SLC24A4: variants seen among roughly 807,000 people sequenced by gnomAD.
SLC24A4 encodes the protein solute carrier family 24 member 4.
A neutral mutation model predicts 79.0 loss-of-function variants in SLC24A4; 53 were observed. The ratio of observed to expected loss-of-function variants is 0.67; its 90% confidence interval spans 0.54 to 0.84. The LOEUF (loss-of-function observed/expected upper bound fraction) is 0.84, where lower values mean the gene tolerates loss of function less well. Among genes scored for constraint, SLC24A4 ranks in the 40% least tolerant of loss-of-function variants. The pLI, the probability that SLC24A4 is intolerant of heterozygous loss-of-function variation, is 0.00. For missense variants in SLC24A4, 731 were observed against 822.0 expected (o/e 0.89, Z 1.35); for synonymous variants, 323 against 323.8 (o/e 1.00, Z 0.03).
At chr14:92,420,477 C>CA (rs778526307) in intron 2 of SLC24A4, among the ~76,000 whole-genome samples, 1,422 of 136,016 alleles carry the variant, frequency 0.01, 14 homozygotes, top group Admixed American at 0.023. Flanking sequence ...GACTCTGTCT[C>CA]AAAAAAAAAA....
At chr14:92,359,982 G>T (rs1010089976) in intron 2 of SLC24A4, among the ~76,000 whole-genome samples, 1 of 152,164 alleles carries the variant, frequency 6.6e-6, no homozygotes. Flanking sequence ...GCAGTGGTGC[G>T]ATCTTGGCTC....
Position 92,323,828 on chromosome 14 carries a change from G to C in SLC24A4, c.-3G>C. 6.4e-7 allele frequency: 1 copy of C among 1,569,784 alleles called. No homozygotes were observed. Among genetic ancestry groups the C allele is most frequent in the Non-Finnish European group, 8.6e-7 (1 of 1,165,366 alleles). ...CCCAGAGACGGCACCCAGGCGCTCC[G>C]GGATGGCGCTCCGCGGGACCCTCCG... is the stretch of plus-strand genomic sequence containing the variant. On this transcript the variant is annotated 5_prime_UTR_variant, in exon 1 of 17. Coordinates refer to ENST00000532405, the MANE Select transcript of SLC24A4 (RefSeq NM_153646.4). The surrounding 1 kb of genome is among the most constrained non-coding windows in gnomAD (Gnocchi z 4.9).
chr14:92,470,979 C>T (rs1444919159), intron 12 of SLC24A4, among the ~76,000 whole-genome samples: 5 of 152,232 alleles, frequency 3.3e-5, no homozygotes, highest in Admixed American at 1.3e-4. Flanking sequence ...TTGGTTTTAT[C>T]CCTGTGTTGG....
At position 92,493,753 on chromosome 14, in the gene SLC24A4, G is replaced by A; in HGVS notation, c.*125G>A. 8.8e-7 allele frequency: 1 copy of A among 1,130,498 alleles called. No homozygotes were observed. Among genetic ancestry groups the A allele is most frequent in the Non-Finnish European group, 1.2e-6 (1 of 808,006 alleles). 70.0% of individuals were successfully genotyped at this position (1,130,498 alleles called of 1,614,324 possible). A position where few individuals can be genotyped will look rare whatever the true frequency, so the allele number is the denominator to read the frequency against. ...GCCACTGTCCGTTCTTTCACACACTGGAAGGAAGAGCCATCGTGGTCTTTG... is the reference window on the plus strand; with the variant it reads ...GCCACTGTCCGTTCTTTCACACACTAGAAGGAAGAGCCATCGTGGTCTTTG... On this transcript the variant is annotated 3_prime_UTR_variant, in exon 17 of 17. Coordinates refer to ENST00000532405, the MANE Select transcript of SLC24A4 (RefSeq NM_153646.4).
chr14:92,368,699 C>CA (rs1887989582), intron 2 of SLC24A4, among the ~76,000 whole-genome samples: 1 of 152,110 alleles, frequency 6.6e-6, no homozygotes, highest in Admixed American at 6.5e-5. Context: ...ACAGCTGCTG[C>CA]AGGGGCTCTG....
At chr14:92,492,832 C>T (rs1230462787) in intron 16 of SLC24A4, 10 of 455,352 alleles carry the variant, frequency 2.2e-5, no homozygotes, top group Non-Finnish European at 4.4e-5. Flanking sequence ...CGCAGTGCTC[C>T]AGTGAGGTTC....
chr14:92,343,779 T>C (rs893778023), intron 2 of SLC24A4, among the ~76,000 whole-genome samples: 1 of 151,498 alleles, frequency 6.6e-6, no homozygotes, highest in Non-Finnish European at 1.5e-5. Context: ...CTTGGCTCAC[T>C]GCATCCTCCG....
chr14:92,368,830 A>G (rs566549934), intron 2 of SLC24A4, among the ~76,000 whole-genome samples: 285 of 152,234 alleles, frequency 1.9e-3, no homozygotes, highest in Non-Finnish European at 3.0e-3. Context: ...TGGCAGAAAA[A>G]GAGGGTTTAC....
At chr14:92,413,994 A>C (rs1462947921) in intron 2 of SLC24A4, among the ~76,000 whole-genome samples, 2 of 152,108 alleles carry the variant, frequency 1.3e-5, no homozygotes, top group Admixed American at 6.5e-5. Flanking sequence ...GAGTTCTTTG[A>C]GAGAGGAGAA....
At chr14:92,364,793 A>G (rs1196799781) in intron 2 of SLC24A4, among the ~76,000 whole-genome samples, 1 of 152,216 alleles carries the variant, frequency 6.6e-6, no homozygotes, top group Non-Finnish European at 1.5e-5. Flanking sequence ...TGGGTGACCA[A>G]GGCAGGTGGC....
chr14:92,323,803 C>A lies in SLC24A4; in HGVS notation c.-28C>A. 1 of 1,544,830 alleles carries A rather than the reference C, an allele frequency of 6.5e-7. No homozygotes were observed. Among genetic ancestry groups the A allele is most frequent in the South Asian group, 1.2e-5 (1 of 84,698 alleles). On this transcript the variant is annotated 5_prime_UTR_variant, in exon 1 of 17. Coordinates refer to ENST00000532405, the MANE Select transcript of SLC24A4 (RefSeq NM_153646.4). The surrounding 1 kb of genome is among the most constrained non-coding windows in gnomAD (Gnocchi z 4.9). Reference sequence around the variant, plus strand: ...TGGCCGCTGAAGCTCCCCATCCTCTCCCAGAGACGGCACCCAGGCGCTCCG... The same window carrying A: ...TGGCCGCTGAAGCTCCCCATCCTCTACCAGAGACGGCACCCAGGCGCTCCG...
chr14:92,445,220 G>GGACCCATAACACA, intron 7 of SLC24A4, 97 bp from the exon 8 acceptor site: 1 of 1,314,900 alleles, frequency 7.6e-7, no homozygotes, highest in South Asian at 1.2e-5. Context: ...AACAAGGCCA[G>GGACCCATAACACA]TATAAATTGG....
At chr14:92,442,232 G>A in intron 5 of SLC24A4, 59 bp downstream of exon 5, 1 of 1,366,346 alleles carries the variant, frequency 7.3e-7, no homozygotes, top group Non-Finnish European at 1.0e-6. Flanking sequence ...GGTGCCCAGA[G>A]CAGTGGGGGC....
At chr14:92,488,197 G>A (rs1014947912) in intron 14 of SLC24A4, among the ~76,000 whole-genome samples, 13 of 151,048 alleles carry the variant, frequency 8.6e-5, no homozygotes, top group Middle Eastern at 3.4e-3. Context: ...TCACCCTTCC[G>A]AGTAGCCAGG....
chr14:92,479,542 C>T (rs367717818), intron 12 of SLC24A4, among the ~76,000 whole-genome samples: 6 of 152,176 alleles, frequency 3.9e-5, no homozygotes, highest in African/African-American at 1.4e-4. Flanking sequence ...AGCTTTCATT[C>T]CTGGGATAAA....
chr14:92,455,715 G>A (rs1173396129), intron 11 of SLC24A4, among the ~76,000 whole-genome samples: 1 of 145,510 alleles, frequency 6.9e-6, no homozygotes, highest in Non-Finnish European at 1.5e-5. Context: ...CTTAGTGTAA[G>A]TGTACTTTTT....
At chr14:92,464,021 T>A (rs146113570) in intron 12 of SLC24A4, among the ~76,000 whole-genome samples, 2 of 152,380 alleles carry the variant, frequency 1.3e-5, no homozygotes, top group Admixed American at 1.3e-4. Flanking sequence ...GGATGGATCA[T>A]GAATGCCACA....
chr14:92,371,190 C>G (rs1166236184), intron 2 of SLC24A4, among the ~76,000 whole-genome samples: 10 of 152,176 alleles, frequency 6.6e-5, no homozygotes, highest in Admixed American at 5.9e-4. Context: ...ACATAAACGG[C>G]TCCGACACAG....
chr14:92,438,892 G>A (rs1400086044), intron 3 of SLC24A4, among the ~76,000 whole-genome samples: 2 of 152,092 alleles, frequency 1.3e-5, no homozygotes, highest in Non-Finnish European at 2.9e-5. Context: ...GTCCCAACCC[G>A]CTCATCCTGC....
Sources: gnomAD v4.1 joint callset for allele counts (sites outside exome capture counted in the v4.1 genomes callset) on GRCh38, gnomAD v4.1.1 for gene constraint, Gnocchi (gnomAD v3.1) non-coding constraint, MANE v1.5 for transcripts, NCBI Gene and HGNC (gene_info 2026-07-23, HGNC 2026-07-21) for gene names.